Variants in PCDHGB3 observed in about 807,000 individuals in gnomAD.
PCDHGB3 encodes the protein protocadherin gamma-B3.
PCDHGB3 carries 40 observed loss-of-function variants against 59.2 expected under a neutral mutation model. That is an observed-to-expected ratio of 0.68 (90% CI 0.52 to 0.88). The LOEUF (loss-of-function observed/expected upper bound fraction) is 0.88, where lower values mean the gene tolerates loss of function less well. Ranked by LOEUF, PCDHGB3 falls within the 40% of genes least tolerant of loss-of-function variation. The pLI is 0.00. For synonymous variants in PCDHGB3, 581 were observed against 503.6 expected (o/e 1.15, Z -2.06); for missense variants, 1,309 against 1,187.9 (o/e 1.10, Z -1.50).
chr5:141,388,868 A>G lies in PCDHGB3; in HGVS notation c.2415+16059A>G, dbSNP rs138074064. On this transcript the variant is annotated intron_variant, in intron 1 of 3. Transcript: ENST00000576222. The stretch of plus-strand genomic sequence containing the variant: ...GGGACGGTGGAGGAATGATTGCGCA[A>G]TGCACAGTGGAGGTAGAAGTCATAG... 208 of 1,613,992 alleles carry G rather than the reference A, an allele frequency of 1.3e-4. 2 individuals are homozygous for G. In the African/African-American group the frequency reaches 2.5e-3, roughly 19 times the overall value.
intron 1 of PCDHGB3, chr5:141,383,195 G>T: frequency 1.2e-6 from 2 of 1,614,044 alleles, no homozygotes; most frequent in Non-Finnish European, 1.7e-6. Flanking sequence ...TGCGCTCAGA[G>T]TGCGCGGTGT....
intron 1 of PCDHGB3, chr5:141,478,834 A>G: frequency 7.0e-7 from 1 of 1,427,896 alleles, no homozygotes; most frequent in Non-Finnish European, 9.2e-7. Context: ...TTGCTAAGGG[A>G]TGGTTAAGCT....
intron 1 of PCDHGB3, chr5:141,379,744 G>T (rs1333166422): frequency 6.6e-6 from 1 of 152,052 alleles, no homozygotes; most frequent in African/African-American, 2.4e-5. Flanking sequence ...GCTAAATGAG[G>T]TTCTTTAATC....
At chr5:141,505,296 G>A (rs1174492966) in intron 2 of PCDHGB3, 97 bp from the exon 3 acceptor site, 1 of 1,584,850 alleles carries the variant, frequency 6.3e-7, no homozygotes, top group Non-Finnish European at 8.6e-7. Context: ...ATGGGGTAGG[G>A]TTAGGGTACT....
In PCDHGB3 at chr5:141,432,611, T is replaced by G. The variant is rs141541670; in HGVS notation, c.2415+59802T>G. The G allele has an allele frequency of 4.2e-4, 676 of 1,613,808 alleles. 1 individual carries two copies. The African/African-American group carries it at 5.6e-3, about 13-fold the overall frequency. On this transcript the variant is annotated intron_variant, in intron 1 of 3. Coordinates refer to ENST00000576222, the MANE Select transcript of PCDHGB3 (RefSeq NM_018924.5). This position sits in a 1 kb window ranked among gnomAD's most constrained non-coding sequence, Gnocchi z 6.0. ...CAAGGCCAGCGAGCCGGGACTCTTC[T>G]CGGTGGGTCTGCACACGGGCGAGGT...
chr5:141,395,066 G>GACC, intron 1 of PCDHGB3: 1 of 1,614,136 alleles, frequency 6.2e-7, no homozygotes, highest in Non-Finnish European at 8.5e-7. Flanking sequence ...CTTTCCTGCA[G>GACC]ACCTATTCCC....
At chr5:141,408,297 C>G in intron 1 of PCDHGB3, 1 of 1,613,652 alleles carries the variant, frequency 6.2e-7, no homozygotes, top group East Asian at 2.2e-5. Flanking sequence ...CTGAGTGAGC[C>G]GATCCGCTAC....
intron 1 of PCDHGB3, chr5:141,424,664 A>T (rs923488035): frequency 6.6e-6 from 1 of 152,124 alleles, no homozygotes; most frequent in African/African-American, 2.4e-5. Flanking sequence ...CTTTAATTAA[A>T]CTGATTTAGC....
chr5:141,440,008 C>G, intron 1 of PCDHGB3: 1 of 153,238 alleles, frequency 6.5e-6, no homozygotes. Context: ...GAAACCTTGC[C>G]AAGGATCTGG....
At chr5:141,378,934 C>G (rs1228381656) in intron 1 of PCDHGB3, 3 of 152,166 alleles carry the variant, frequency 2.0e-5, no homozygotes, top group Non-Finnish European at 2.9e-5. Flanking sequence ...GTTGATGGCC[C>G]TGGAATGAAT....
rs962136728 is a variant in PCDHGB3 at position 141,491,524 on chromosome 5, G to A, written c.2416-3283G>A. 1 of 1,613,960 alleles carries A rather than the reference G, an allele frequency of 6.2e-7. No homozygotes were observed. The highest frequency in any genetic ancestry group is 1.3e-5 in the African/African-American group (1 of 74,936). On this transcript the variant is annotated intron_variant, in intron 1 of 3. Coordinates refer to ENST00000576222, the MANE Select transcript of PCDHGB3 (RefSeq NM_018924.5). The surrounding 1 kb of genome is among the most constrained non-coding windows in gnomAD (Gnocchi z 6.9). ...GGACGGCACGCTCAAGTACATGGAG[G>A]TGACGCTGCGGCCCACAGACTCGCA...
chr5:141,495,005 C>CG (rs2099758180), intron 2 of PCDHGB3, 140 bp downstream of exon 2: 6 of 1,522,802 alleles, frequency 3.9e-6, no homozygotes, highest in Admixed American at 2.0e-5. Context: ...TCTTGGTGTG[C>CG]GGGGGGCTGG....
Position 141,477,964 on chromosome 5 carries a change from G to T in PCDHGB3, c.2416-16843G>T, listed in dbSNP as rs2099426491. On this transcript the variant is annotated intron_variant, in intron 1 of 3. Coordinates refer to ENST00000576222, the MANE Select transcript of PCDHGB3 (RefSeq NM_018924.5). The surrounding 1 kb of genome is among the most constrained non-coding windows in gnomAD (Gnocchi z 4.9). Reference sequence around the variant, plus strand: ...ACAGTCTCTTGGGATCCCCTAACCAGAGCCTTTTTGCCATAGGGCTGCACA... The same window carrying T: ...ACAGTCTCTTGGGATCCCCTAACCATAGCCTTTTTGCCATAGGGCTGCACA... 6.2e-7 allele frequency: 1 copy of T among 1,613,978 alleles called. No homozygotes were observed. The highest frequency in any genetic ancestry group is 1.1e-5 in the South Asian group (1 of 91,080).
intron 1 of PCDHGB3, chr5:141,383,671 G>T: frequency 6.2e-7 from 1 of 1,613,998 alleles, no homozygotes; most frequent in Non-Finnish European, 8.5e-7. Flanking sequence ...TGTGCCAGTG[G>T]GTACAAGACT....
At chr5:141,453,481 T>TA (rs1178324090) in intron 1 of PCDHGB3, among the ~76,000 whole-genome samples, 1 of 151,928 alleles carries the variant, frequency 6.6e-6, no homozygotes, top group African/African-American at 2.4e-5. Context: ...TCAAAACTAT[T>TA]AAAAAAAGGT....
rs1409333356 is a variant in PCDHGB3 at position 141,418,996 on chromosome 5, T to C, written c.2415+46187T>C. On this transcript the variant is annotated intron_variant, in intron 1 of 3. Coordinates refer to ENST00000576222, the MANE Select transcript of PCDHGB3 (RefSeq NM_018924.5). ...CACGGGACCAAGACTCAGGGGAAAATGGGGAAGTCAGGTGTAGCTTAAGTA... is the reference window on the plus strand; with the variant it reads ...CACGGGACCAAGACTCAGGGGAAAACGGGGAAGTCAGGTGTAGCTTAAGTA... 3.3e-5 allele frequency: 54 copies of C among 1,613,756 alleles called. 1 individual carries two copies. The East Asian group carries it at 1.0e-3, about 30-fold the overall frequency.
At chr5:141,492,063 C>T in intron 1 of PCDHGB3, 1 of 481,160 alleles carries the variant, frequency 2.1e-6, no homozygotes, top group African/African-American at 2.0e-5. Flanking sequence ...CAGCCAGCCT[C>T]CTAGGCGCCG....
intron 1 of PCDHGB3, among the ~76,000 whole-genome samples, chr5:141,447,221 C>A (rs1034853072): frequency 6.6e-6 from 1 of 152,026 alleles, no homozygotes; most frequent in Non-Finnish European, 1.5e-5. Context: ...CTCACTGCAA[C>A]CTCCGCCTCC....
At chr5:141,415,347 C>G in intron 1 of PCDHGB3, 1 of 1,614,238 alleles carries the variant, frequency 6.2e-7, no homozygotes, top group South Asian at 1.1e-5. Flanking sequence ...GGCGCTGGCA[C>G]AAGTCACGCC....
Sources: gnomAD v4.1 joint callset for allele counts (sites outside exome capture counted in the v4.1 genomes callset) on GRCh38, gnomAD v4.1.1 for gene constraint, Gnocchi (gnomAD v3.1) non-coding constraint, MANE v1.5 for transcripts, NCBI Gene and HGNC (gene_info 2026-07-23, HGNC 2026-07-21) for gene names.